ARMH4: variants seen among roughly 807,000 people sequenced by gnomAD.
The protein encoded by ARMH4 is armadillo-like helical domain-containing protein 4.
In ARMH4, 49 loss-of-function variants were observed where a neutral mutation model predicts 61.9. That is an observed-to-expected ratio of 0.79 (90% CI 0.63 to 1.00). The LOEUF is 1.00. Ranked by LOEUF, ARMH4 falls within the 50% of genes least tolerant of loss-of-function variation. ARMH4 has a pLI of 0.00. For synonymous variants in ARMH4, 368 were observed against 341.5 expected, an observed-to-expected ratio of 1.08 and a Z score of -0.85; for missense variants, 934 against 930.0, an observed-to-expected ratio of 1.00 and a Z score of -0.06.
At chr14:58,083,289 T>C (rs574490548) in intron 5 of ARMH4, among the ~76,000 whole-genome samples, 7 of 152,212 alleles carry the variant, frequency 4.6e-5, no homozygotes, top group Non-Finnish European at 8.8e-5. Context: ...TGGAAAGATA[T>C]TAAGTATCAG....
chr14:58,010,064 G>A (rs1882345757), intron 6 of ARMH4, among the ~76,000 whole-genome samples: 2 of 152,112 alleles, frequency 1.3e-5, no homozygotes, highest in Non-Finnish European at 2.9e-5. Context: ...GAGTGTCCTG[G>A]CTTGCCTGAA....
chr14:58,104,965 A>G (rs1161651738), intron 4 of ARMH4, among the ~76,000 whole-genome samples: 1 of 152,238 alleles, frequency 6.6e-6, no homozygotes, highest in Non-Finnish European at 1.5e-5. Flanking sequence ...CACAAAGTCA[A>G]CATATAAGAC....
At chr14:58,034,388 G>C (rs1883391384) in intron 5 of ARMH4, among the ~76,000 whole-genome samples, 1 of 116,596 alleles carries the variant, frequency 8.6e-6, no homozygotes, top group African/African-American at 3.2e-5. Context: ...TGCCCTAAAA[G>C]AGCTCCTGAA....
intron 5 of ARMH4, among the ~76,000 whole-genome samples, chr14:58,054,313 A>AT (rs2141204806): frequency 6.6e-6 from 1 of 152,322 alleles, no homozygotes; most frequent in South Asian, 2.1e-4. Flanking sequence ...ATTCTTTGGC[A>AT]TTACCACGGC....
chr14:58,053,188 T>C (rs1397752872), intron 5 of ARMH4, among the ~76,000 whole-genome samples: 1 of 152,236 alleles, frequency 6.6e-6, no homozygotes, highest in Non-Finnish European at 1.5e-5. Context: ...ACTTCCACTC[T>C]TTATATAGCA....
chr14:58,020,551 C>T (rs917412884), intron 5 of ARMH4, among the ~76,000 whole-genome samples: 1 of 152,096 alleles, frequency 6.6e-6, no homozygotes, highest in Non-Finnish European at 1.5e-5. Context: ...GGTTCTGTTG[C>T]TCTATTATCT....
At chr14:58,030,167 G>A (rs1307101425) in intron 5 of ARMH4, among the ~76,000 whole-genome samples, 2 of 152,162 alleles carry the variant, frequency 1.3e-5, no homozygotes, top group African/African-American at 4.8e-5. Flanking sequence ...CTAGAAGCTG[G>A]GTGGGTGCCA....
intron 5 of ARMH4, among the ~76,000 whole-genome samples, chr14:58,045,497 G>A (rs1369413131): frequency 6.6e-6 from 1 of 151,886 alleles, no homozygotes; most frequent in Admixed American, 6.6e-5. Flanking sequence ...AGCATTAGGA[G>A]ATATACCTAA....
chr14:58,004,871 A>T (rs553729686), intron 7 of ARMH4, 67 bp from the exon 8 acceptor site: 5 of 1,544,654 alleles, frequency 3.2e-6, no homozygotes, highest in Non-Finnish European at 4.5e-6. Flanking sequence ...AAACAGGCCC[A>T]CTTTAAAAGA....
chr14:58,087,650 A>C (rs1219004559), intron 5 of ARMH4, among the ~76,000 whole-genome samples: 1 of 152,170 alleles, frequency 6.6e-6, no homozygotes, highest in Non-Finnish European at 1.5e-5. Flanking sequence ...GGAATTAATG[A>C]ATTCCTGAAG....
intron 4 of ARMH4, among the ~76,000 whole-genome samples, chr14:58,118,072 T>C (rs181195641): frequency 8.5e-5 from 13 of 152,248 alleles, no homozygotes; most frequent in Admixed American, 2.6e-4. Context: ...TACTCATCAG[T>C]GTGGGCTGAG....
chr14:58,120,094 C>T (rs1886673323), intron 4 of ARMH4, among the ~76,000 whole-genome samples: 1 of 152,078 alleles, frequency 6.6e-6, no homozygotes, highest in African/African-American at 2.4e-5. Flanking sequence ...ACCTACTACA[C>T]ATGTAGGCTA....
intron 2 of ARMH4, among the ~76,000 whole-genome samples, chr14:58,135,047 T>C (rs1448175328): frequency 2.6e-5 from 4 of 152,200 alleles, no homozygotes; most frequent in African/African-American, 4.8e-5. Context: ...GTATTTGCTT[T>C]AAAATAATGT....
chr14:58,094,471 C>A (rs1885682110), intron 5 of ARMH4, among the ~76,000 whole-genome samples: 1 of 152,088 alleles, frequency 6.6e-6, no homozygotes, highest in Non-Finnish European at 1.5e-5. Flanking sequence ...CAGGGAACAA[C>A]TCAGTTGTTC....
chr14:58,012,589 A>T (rs1163714079), intron 5 of ARMH4, among the ~76,000 whole-genome samples: 6 of 152,222 alleles, frequency 3.9e-5, no homozygotes, highest in Admixed American at 3.3e-4. Context: ...GAAAATAAGC[A>T]AGCCCAGGTT....
intron 5 of ARMH4, among the ~76,000 whole-genome samples, chr14:58,029,418 G>A (rs1883144616): frequency 6.6e-6 from 1 of 152,096 alleles, no homozygotes; most frequent in Non-Finnish European, 1.5e-5. Context: ...ATTTTTAGTA[G>A]AGACGGGGTT....
At chr14:58,076,097 G>C (rs1045473040) in intron 5 of ARMH4, among the ~76,000 whole-genome samples, 1 of 150,016 alleles carries the variant, frequency 6.7e-6, no homozygotes, top group East Asian at 2.0e-4. Flanking sequence ...GGAAGGGGAG[G>C]GGAAGGGGGA....
At chr14:58,045,864 C>T (rs1239470974) in intron 5 of ARMH4, among the ~76,000 whole-genome samples, 1 of 152,032 alleles carries the variant, frequency 6.6e-6, no homozygotes, top group Non-Finnish European at 1.5e-5. Context: ...CAGAGACACA[C>T]AAGAAGAAGA....
chr14:58,074,844 A>C (rs1196603627), intron 5 of ARMH4, among the ~76,000 whole-genome samples: 1 of 152,222 alleles, frequency 6.6e-6, no homozygotes, highest in Non-Finnish European at 1.5e-5. Flanking sequence ...TTAAGAGCTG[A>C]CTTTAAAAAT....
Sources: allele counts gnomAD v4.1 joint callset (sites outside exome capture counted in the v4.1 genomes callset), GRCh38; gene constraint gnomAD v4.1.1; transcripts MANE v1.5; gene names NCBI Gene and HGNC (gene_info 2026-07-23, HGNC 2026-07-21).